Variants in MID2 observed in about 807,000 individuals in gnomAD.
The protein encoded by MID2 is probable E3 ubiquitin-protein ligase MID2.
A neutral mutation model predicts 46.1 loss-of-function variants in MID2; 13 were observed. That is an observed-to-expected ratio of 0.28 (90% CI 0.18 to 0.45). MID2 has a LOEUF of 0.45. MID2 is among the 20% of genes least tolerant of loss of function. The pLI, the probability that MID2 is intolerant of heterozygous loss-of-function variation, is 1.00. For missense variants in MID2, 431 were observed against 575.4 expected (o/e 0.75, Z 2.57); for synonymous variants, 199 against 212.3 (o/e 0.94, Z 0.55).
At chrX:107,896,211 T>C (rs1225694746) in intron 3 of MID2, 1 of 109,181 alleles carries the variant, frequency 9.2e-6, no homozygotes, top group Non-Finnish European at 1.9e-5. Context: ...CCGGGAATGG[T>C]GGCGCATGCC....
chrX:107,844,149 A>G (rs923872973), intron 2 of MID2, among the ~76,000 whole-genome samples: 3 of 111,743 alleles, frequency 2.7e-5, no homozygotes, highest in African/African-American at 9.8e-5. Flanking sequence ...TTTGTTCAAT[A>G]AAGAATAAAT....
intron 3 of MID2, among the ~76,000 whole-genome samples, chrX:107,858,103 A>C (rs1395149482): frequency 8.9e-6 from 1 of 112,275 alleles, no homozygotes; most frequent in Non-Finnish European, 1.9e-5. Context: ...TATAACAGAA[A>C]CAGAGATTAA....
intron 3 of MID2, among the ~76,000 whole-genome samples, chrX:107,876,685 TCAGCTG>T (rs201130152): frequency 0.079 from 8,851 of 111,703 alleles, 377 homozygotes; most frequent in Non-Finnish European, 0.12. Context: ...AATCCCTCTG[TCAGCTG>T]CAGAATGGCG....
chrX:107,920,003 G>A (rs1213321184), intron 7 of MID2, among the ~76,000 whole-genome samples: 1 of 112,023 alleles, frequency 8.9e-6, no homozygotes, highest in African/African-American at 3.2e-5. Context: ...TACCCTCACA[G>A]CCTGCCTTCT....
At chrX:107,890,830 C>G (rs1392108270) in intron 3 of MID2, among the ~76,000 whole-genome samples, 2 of 111,316 alleles carry the variant, frequency 1.8e-5, no homozygotes, top group African/African-American at 6.5e-5. Flanking sequence ...GGTGCCCCTC[C>G]CCCAGCCTTG....
intron 3 of MID2, among the ~76,000 whole-genome samples, chrX:107,891,406 G>A (rs927917518): frequency 2.3e-4 from 25 of 107,515 alleles, no homozygotes; most frequent in African/African-American, 7.5e-4. Context: ...TCAGACTCCC[G>A]AGTAGCTGAG....
At chrX:107,864,323 T>G (rs1225010626) in intron 3 of MID2, among the ~76,000 whole-genome samples, 3 of 111,976 alleles carry the variant, frequency 2.7e-5, no homozygotes, top group African/African-American at 6.5e-5. Flanking sequence ...CCAGAGCAGC[T>G]CTCCATATTC....
intron 1 of MID2, among the ~76,000 whole-genome samples, chrX:107,834,753 A>G (rs1377355557): frequency 2.7e-5 from 3 of 111,871 alleles, no homozygotes; most frequent in East Asian, 5.6e-4. Flanking sequence ...AGGAACAAGC[A>G]ATCCAATAGA....
chrX:107,865,824 C>T (rs1253986170), intron 3 of MID2, among the ~76,000 whole-genome samples: 1 of 112,786 alleles, frequency 8.9e-6, no homozygotes, highest in Admixed American at 9.3e-5. Flanking sequence ...AGCACCAGTG[C>T]TAGTCGCATA....
At chrX:107,869,613 G>T (rs1932024705) in intron 3 of MID2, among the ~76,000 whole-genome samples, 1 of 110,690 alleles carries the variant, frequency 9.0e-6, no homozygotes, top group African/African-American at 3.3e-5. Flanking sequence ...ATTTTTTCAG[G>T]TTTTATTTTT....
intron 8 of MID2, among the ~76,000 whole-genome samples, chrX:107,924,948 C>A (rs1311716900): frequency 8.9e-6 from 1 of 112,286 alleles, no homozygotes; most frequent in African/African-American, 3.2e-5. Flanking sequence ...CACACATACA[C>A]ATAGGAAGAA....
intron 3 of MID2, among the ~76,000 whole-genome samples, chrX:107,882,230 C>T (rs1021475001): frequency 4.5e-5 from 5 of 111,881 alleles, no homozygotes; most frequent in African/African-American, 1.6e-4. Context: ...ACTTAAATGT[C>T]AGACCTAAAA....
intron 3 of MID2, among the ~76,000 whole-genome samples, chrX:107,865,391 GTCTA>G (rs1357502971): frequency 1.2e-3 from 136 of 112,632 alleles, no homozygotes; most frequent in Middle Eastern, 9.2e-3. Context: ...CTATGCATCT[GTCTA>G]TCTATTTCAT....
chrX:107,888,134 C>T (rs935354331), intron 3 of MID2, among the ~76,000 whole-genome samples: 3 of 111,693 alleles, frequency 2.7e-5, no homozygotes, highest in African/African-American at 9.8e-5. Flanking sequence ...TTCAGTTCTG[C>T]TCTGATCTTA....
At chrX:107,887,938 G>A (rs1932499336) in intron 3 of MID2, among the ~76,000 whole-genome samples, 1 of 111,704 alleles carries the variant, frequency 9.0e-6, no homozygotes, top group Admixed American at 9.5e-5. Flanking sequence ...CTCTCTGATG[G>A]TAGTCTGTAT....
intron 1 of MID2, among the ~76,000 whole-genome samples, chrX:107,830,163 T>C (rs1427301928): frequency 8.9e-6 from 1 of 112,276 alleles, no homozygotes; most frequent in Non-Finnish European, 1.9e-5. Flanking sequence ...GAGGAGAGAA[T>C]GTTGTCTTCT....
intron 5 of MID2, among the ~76,000 whole-genome samples, chrX:107,914,144 C>G (rs1932931560): frequency 8.9e-6 from 1 of 112,187 alleles, no homozygotes; most frequent in South Asian, 3.7e-4. Flanking sequence ...ATGTCTTTCT[C>G]CTTCATGATG....
At chrX:107,908,121 A>G (rs1003328282) in intron 5 of MID2, among the ~76,000 whole-genome samples, 1 of 112,536 alleles carries the variant, frequency 8.9e-6, no homozygotes, top group Non-Finnish European at 1.9e-5. Context: ...AACAAAGCCA[A>G]GCAATTTCAG....
Position 107,912,571 on chromosome X carries a change from T to C in MID2, c.1074-3431T>C, listed in dbSNP as rs1202422715. ...CTACTTTGTTGTTTTTGTTTTGTTT[T>C]GCCTTTGTGAGCAATGTTTCCTTGG... On this transcript the variant is annotated intron_variant, in intron 5 of 9. Coordinates refer to ENST00000262843, the MANE Select transcript of MID2 (RefSeq NM_012216.4). 1.2e-4 allele frequency among the ~76,000 whole-genome samples: 13 copies of C among 111,952 alleles called. No homozygotes were observed. In the East Asian group the frequency reaches 3.3e-3, roughly 29 times the overall value.
Sources: gnomAD v4.1 joint callset for allele counts (sites outside exome capture counted in the v4.1 genomes callset) on GRCh38, gnomAD v4.1.1 for gene constraint, MANE v1.5 for transcripts, NCBI Gene and HGNC (gene_info 2026-07-23, HGNC 2026-07-21) for gene names.